The following BLTP3B variants were observed in gnomAD, a reference collection of about 807,000 sequenced individuals.
The protein encoded by BLTP3B is UHRF1 (ICBP90) binding protein 1-like.
chr12:100,097,648 G>C, the BLTP3B span: 2 of 910,794 alleles, frequency 2.2e-6, no homozygotes, highest in Admixed American at 3.4e-5. Context: ...TTTTATTTTT[G>C]TAAATTGCAT....
the BLTP3B span, among the ~76,000 whole-genome samples, chr12:100,049,062 A>G: frequency 6.6e-6 from 1 of 152,062 alleles, no homozygotes; most frequent in Admixed American, 6.6e-5. Context: ...TGCACATGGT[A>G]TAATCTGATA....
chr12:100,103,690 G>C, the BLTP3B span, among the ~76,000 whole-genome samples: 7 of 152,044 alleles, frequency 4.6e-5, no homozygotes, highest in East Asian at 1.3e-3. Context: ...TACCAATTTA[G>C]AACACAGTAT....
the BLTP3B span, among the ~76,000 whole-genome samples, chr12:100,100,900 T>C: frequency 2.0e-5 from 3 of 152,012 alleles, no homozygotes; most frequent in African/African-American, 7.2e-5. Flanking sequence ...AATGCTGAAA[T>C]AGATTAACCA....
the BLTP3B span, among the ~76,000 whole-genome samples, chr12:100,076,339 T>C: frequency 6.6e-6 from 1 of 151,980 alleles, no homozygotes; most frequent in Non-Finnish European, 1.5e-5. Context: ...GTAGAATAAT[T>C]TTTCAATGGT....
At chr12:100,042,571 G>A in the BLTP3B span, among the ~76,000 whole-genome samples, 2 of 152,118 alleles carry the variant, frequency 1.3e-5, no homozygotes, top group African/African-American at 4.8e-5. Flanking sequence ...AAGAAAACAT[G>A]AGAAAATCAT....
chr12:100,105,851 C>T, the BLTP3B span, among the ~76,000 whole-genome samples: 2 of 151,098 alleles, frequency 1.3e-5, no homozygotes, highest in African/African-American at 4.8e-5. Flanking sequence ...GGAACTCAAA[C>T]AAATCAGCAA....
chr12:100,052,011 A>G, the BLTP3B span: 1 of 151,220 alleles, frequency 6.6e-6, no homozygotes, highest in African/African-American at 2.4e-5. Flanking sequence ...ACACCATTGC[A>G]TTGCACTCTA....
At chr12:100,050,221 G>T in the BLTP3B span, 1 of 1,608,280 alleles carries the variant, frequency 6.2e-7, no homozygotes, top group African/African-American at 1.3e-5. Context: ...TAATTGGTCT[G>T]GTGTCACCTG....
At chr12:100,108,699 T>C in the BLTP3B span, 1 of 611,452 alleles carries the variant, frequency 1.6e-6, no homozygotes, top group Middle Eastern at 4.6e-4. Flanking sequence ...ATGTGGTACA[T>C]ATACACGATG....
the BLTP3B span, among the ~76,000 whole-genome samples, chr12:100,137,760 C>A: frequency 1.3e-5 from 2 of 152,182 alleles, no homozygotes; most frequent in African/African-American, 2.4e-5. Context: ...TCACTCCTCA[C>A]CCCCAGGATA....
the BLTP3B span, chr12:100,070,230 G>C: frequency 1.3e-6 from 2 of 1,525,974 alleles, no homozygotes; most frequent in Non-Finnish European, 8.8e-7. Flanking sequence ...AACCACAAAA[G>C]ATTGTTGAAA....
chr12:100,084,327 T>A, the BLTP3B span: 1 of 850,090 alleles, frequency 1.2e-6, no homozygotes. Context: ...GACCCCCATC[T>A]CTACATTAAA....
chr12:100,053,688 C>T, the BLTP3B span, among the ~76,000 whole-genome samples: 1 of 152,074 alleles, frequency 6.6e-6, no homozygotes, highest in African/African-American at 2.4e-5. Context: ...CAAAAGTTGA[C>T]GGTAGTTACT....
the BLTP3B span, among the ~76,000 whole-genome samples, chr12:100,134,222 A>C: frequency 1.3e-5 from 2 of 152,214 alleles, no homozygotes; most frequent in African/African-American, 4.8e-5. Flanking sequence ...CCAAAGGATA[A>C]CCACAAACAT....
At chr12:100,074,163 A>G in the BLTP3B span, among the ~76,000 whole-genome samples, 2 of 152,204 alleles carry the variant, frequency 1.3e-5, no homozygotes, top group Non-Finnish European at 2.9e-5. Flanking sequence ...CAACTTCAAT[A>G]AAGTTTCAGG....
At chr12:100,071,741 C>T in the BLTP3B span, among the ~76,000 whole-genome samples, 2 of 152,156 alleles carry the variant, frequency 1.3e-5, no homozygotes, top group Admixed American at 1.3e-4. Flanking sequence ...CCAAAGTATA[C>T]ATTTAGGCAT....
chr12:100,098,707 G>A, the BLTP3B span, among the ~76,000 whole-genome samples: 1 of 151,508 alleles, frequency 6.6e-6, no homozygotes. Context: ...TTCAAGCCCA[G>A]CCTGGCCAAC....
At chr12:100,055,527 A>C in the BLTP3B span, among the ~76,000 whole-genome samples, 11 of 151,938 alleles carry the variant, frequency 7.2e-5, no homozygotes, top group East Asian at 1.4e-3. Context: ...AAATACAAAA[A>C]TTAGCTAGGC....
the BLTP3B span, among the ~76,000 whole-genome samples, chr12:100,086,716 T>C: frequency 6.6e-6 from 1 of 152,194 alleles, no homozygotes; most frequent in Non-Finnish European, 1.5e-5. Flanking sequence ...AACAACCGCA[T>C]TTGATAGGTA....
Sources: gnomAD v4.1 joint callset for allele counts (sites outside exome capture counted in the v4.1 genomes callset) on GRCh38, gnomAD v4.1.1 for gene constraint, MANE v1.5 for transcripts, NCBI Gene and HGNC (gene_info 2026-07-23, HGNC 2026-07-21) for gene names.